ARHGAP19: variants seen among roughly 807,000 people sequenced by gnomAD.
ARHGAP19 encodes rho GTPase-activating protein 19.
A neutral mutation model predicts 60.9 loss-of-function variants in ARHGAP19; 48 were observed. The ratio of observed to expected loss-of-function variants is 0.79; its 90% CI spans 0.62 to 1.00. The LOEUF (loss-of-function observed/expected upper bound fraction) is 1.00, where lower values mean the gene tolerates loss of function less well. ARHGAP19 is among the 50% of genes least tolerant of loss of function. The probability of loss-of-function intolerance (pLI) is 0.00; values close to 1 mark genes in which losing one functional copy is unlikely to be tolerated. For synonymous variants in ARHGAP19, 209 were observed against 215.5 expected (o/e 0.97, Z 0.27); for missense variants, 562 against 597.2 (o/e 0.94, Z 0.61).
intron 1 of ARHGAP19, chr10:97,274,966 G>C (rs879664454): frequency 2.0e-4 from 31 of 152,310 alleles, no homozygotes; most frequent in Admixed American, 7.9e-4. Context: ...CCAATGCTGA[G>C]GACACCACAT....
At chr10:97,251,409 GGAAA>G (rs1842657563) in intron 6 of ARHGAP19, among the ~76,000 whole-genome samples, 1 of 20,994 alleles carries the variant, frequency 4.8e-5, no homozygotes, top group Non-Finnish European at 1.0e-4. Context: ...GGAAGGGAAG[GGAAA>G]GGAAGGGGAA....
chr10:97,290,810 G>C lies in ARHGAP19; in HGVS notation c.56+1762C>G, dbSNP rs562014747. The stretch of plus-strand genomic sequence containing the variant: ...CCCATGCTCCGATGTTAATGACATC[G>C]AAGGCAACCCTCCCGAGGAAATCTC... On this transcript the variant is annotated intron_variant, in intron 1 of 11. Coordinates refer to ENST00000358531, the MANE Select transcript of ARHGAP19 (RefSeq NM_032900.6). 2.1e-4 allele frequency among the ~76,000 whole-genome samples: 32 copies of C among 152,118 alleles called. No homozygotes were observed. The East Asian group carries it at 4.3e-3, about 20-fold the overall frequency.
chr10:97,280,267 G>A (rs911437450), intron 1 of ARHGAP19, among the ~76,000 whole-genome samples: 1 of 151,872 alleles, frequency 6.6e-6, no homozygotes, highest in East Asian at 1.9e-4. Context: ...GAATTAGCTG[G>A]GTGTGGTGGT....
chr10:97,262,498 C>T (rs1842843937), intron 4 of ARHGAP19, among the ~76,000 whole-genome samples: 2 of 152,064 alleles, frequency 1.3e-5, no homozygotes, highest in African/African-American at 4.8e-5. Flanking sequence ...AATCCCGTCT[C>T]TACTAAAAAT....
chr10:97,269,666 A>C (rs2134897749), intron 1 of ARHGAP19, among the ~76,000 whole-genome samples: 1 of 152,260 alleles, frequency 6.6e-6, no homozygotes, highest in Non-Finnish European at 1.5e-5. Context: ...GGCCAGAAAA[A>C]TCATAAAATG....
Position 97,268,820 on chromosome 10 carries a change from C to T in ARHGAP19, c.57-2695G>A, listed in dbSNP as rs751727043. Among the ~76,000 whole-genome samples, 65 of 152,260 alleles carry T rather than the reference C, an allele frequency of 4.3e-4. 1 individual carries two copies. Among genetic ancestry groups the T allele is most frequent in the Non-Finnish European group, 6.8e-4 (46 of 68,018 alleles). ...AGATTTGTGTGGGGACATAGCCAAA[C>T]CATATCAACCCCTTTTTACTTCTAA... On this transcript the variant is annotated intron_variant, in intron 1 of 11. Transcript: ENST00000358531.
chr10:97,288,001 G>T (rs1284508740), intron 1 of ARHGAP19, among the ~76,000 whole-genome samples: 2 of 152,148 alleles, frequency 1.3e-5, no homozygotes, highest in Non-Finnish European at 2.9e-5. Context: ...GGTGGAGGTT[G>T]CGGTGAGCCA....
At position 97,223,880 on chromosome 10, in the gene ARHGAP19, T is replaced by C. The variant is rs545682393; in HGVS notation, c.*2242A>G. ...GATTCTAAGTCGATCACAGCTTCTATTAAGAAAAATGACCTATAAAACCCC... is the reference window on the plus strand; with the variant it reads ...GATTCTAAGTCGATCACAGCTTCTACTAAGAAAAATGACCTATAAAACCCC... On this transcript the variant is annotated 3_prime_UTR_variant, in exon 12 of 12. Transcript: ENST00000358531. 2.6e-5 allele frequency: 4 copies of C among 152,306 alleles called. No homozygotes were observed. The highest frequency in any genetic ancestry group is 5.9e-5 in the Non-Finnish European group (4 of 68,030). 9.4% of individuals were successfully genotyped at this position (152,306 alleles called of 1,614,324 possible).
Position 97,292,591 on chromosome 10 carries a change from C to CTGGCACCTCCCCTTCACTCTG in ARHGAP19, c.16_36dup (p.Gln6_Pro12dup). On this transcript the variant is annotated inframe_insertion, in exon 1 of 12. Coordinates refer to ENST00000358531, the MANE Select transcript of ARHGAP19 (RefSeq NM_032900.6). Reference sequence around the variant, plus strand: ...GCTCACCTCCGGCCGGATTCGCGGGCTGGCACCTCCCCTTCACTCTGTGCC... The same window carrying CTGGCACCTCCCCTTCACTCTG: ...GCTCACCTCCGGCCGGATTCGCGGGCTGGCACCTCCCCTTCACTCTGTGGCACCTCCCCTTCACTCTGTGCC... 6.2e-7 allele frequency: 1 copy of CTGGCACCTCCCCTTCACTCTG among 1,614,210 alleles called. No homozygotes were observed.
chr10:97,266,047 A>G lies in ARHGAP19; in HGVS notation c.135T>C (p.Phe45=). Residue 45 remains phenylalanine (F), a synonymous_variant, in exon 2 of 12, where the codon TTT becomes TTC. Transcript: ENST00000358531. The stretch of plus-strand genomic sequence containing the variant: ...GTTTCTCATGTCGGAGTTTCTCCAC[A>G]AAAAAGTCAGGATTAAAGATAATGG... The part of the protein sequence containing the change: ...GQPIIFNPDF[F]VEKLRHEKPE... 1 of 1,614,220 alleles carries G rather than the reference A, an allele frequency of 6.2e-7. No individual in the cohort carries two copies. The highest frequency in any genetic ancestry group is 8.5e-7 in the Non-Finnish European group (1 of 1,180,046).
At chr10:97,284,876 T>C (rs113046730) in intron 1 of ARHGAP19, among the ~76,000 whole-genome samples, 7 of 143,294 alleles carry the variant, frequency 4.9e-5, no homozygotes, top group African/African-American at 1.1e-4. Flanking sequence ...TTTTTTTTTT[T>C]CCTGTGAGAC....
At chr10:97,282,082 T>G (rs1843092433) in intron 1 of ARHGAP19, among the ~76,000 whole-genome samples, 1 of 152,174 alleles carries the variant, frequency 6.6e-6, no homozygotes, top group Non-Finnish European at 1.5e-5. Flanking sequence ...CTTTAAGCAA[T>G]AAACCTCTCC....
chr10:97,290,970 C>T (rs1374959030), intron 1 of ARHGAP19, among the ~76,000 whole-genome samples: 1 of 152,094 alleles, frequency 6.6e-6, no homozygotes. Flanking sequence ...ATTTCCTAGG[C>T]CAACTAAGAA....
chr10:97,254,062 A>T (rs1025065346), intron 6 of ARHGAP19, among the ~76,000 whole-genome samples: 2 of 152,202 alleles, frequency 1.3e-5, no homozygotes, highest in African/African-American at 4.8e-5. Context: ...TTATTGGATA[A>T]GATTGCTAAG....
chr10:97,246,658 A>ATGTTT (rs1842567828), intron 6 of ARHGAP19, among the ~76,000 whole-genome samples: 1 of 152,182 alleles, frequency 6.6e-6, no homozygotes, highest in African/African-American at 2.4e-5. Flanking sequence ...TCTAACAAAA[A>ATGTTT]CCACCCCCTC....
At chr10:97,242,600 C>A (rs1842506120) in intron 8 of ARHGAP19, among the ~76,000 whole-genome samples, 1 of 152,106 alleles carries the variant, frequency 6.6e-6, no homozygotes. Flanking sequence ...ACAACCTCTA[C>A]CTCCTGGGTT....
At chr10:97,253,610 G>A (rs897654599) in intron 6 of ARHGAP19, among the ~76,000 whole-genome samples, 6 of 151,998 alleles carry the variant, frequency 3.9e-5, no homozygotes. Flanking sequence ...AACAACGTAT[G>A]GTATATTTCA....
At chr10:97,265,516 C>G (rs1842886968) in intron 2 of ARHGAP19, 1 of 212,742 alleles carries the variant, frequency 4.7e-6, no homozygotes, top group African/African-American at 2.3e-5. Context: ...AAAGAAAATT[C>G]AAGCATTCTG....
Position 97,225,962 on chromosome 10 carries a change from G to A in ARHGAP19, c.*160C>T. ...ACAGCTTGCAAACATCATCCAGTGA[G>A]TGGGGTTAGAGGTATCAGTCGGGTC... On this transcript the variant is annotated 3_prime_UTR_variant, in exon 12 of 12. Transcript: ENST00000358531. 1 of 670,810 alleles carries A rather than the reference G, an allele frequency of 1.5e-6. No homozygotes were observed. The highest frequency in any genetic ancestry group is 2.5e-6 in the Non-Finnish European group (1 of 394,758). The allele number at this position is 670,810 out of a possible 1,614,324, so 41.6% of individuals were successfully genotyped here. A position where few individuals can be genotyped will look rare whatever the true frequency, so the allele number is the denominator to read the frequency against.
Sources: allele counts gnomAD v4.1 joint callset (sites outside exome capture counted in the v4.1 genomes callset), GRCh38; gene constraint gnomAD v4.1.1; transcripts MANE v1.5; gene names NCBI Gene and HGNC (gene_info 2026-07-23, HGNC 2026-07-21).